The following PACS2 variants were observed in gnomAD, a reference collection of about 807,000 sequenced individuals.
PACS2 encodes the protein phosphofurin acidic cluster sorting protein 2, also known as PACS1-like protein.
PACS2 carries 36 observed loss-of-function variants against 113.0 expected under a neutral mutation model. The ratio of observed to expected loss-of-function variants is 0.32; its 90% confidence interval spans 0.24 to 0.42. PACS2 has a LOEUF of 0.42. Ranked by LOEUF, PACS2 falls within the 10% of genes least tolerant of loss-of-function variation. The pLI is 1.00. For missense variants in PACS2, 1,015 were observed against 1,239.5 expected (o/e 0.82, Z 2.72); for synonymous variants, 589 against 536.1 (o/e 1.10, Z -1.36).
In PACS2 at chr14:105,342,516, G is replaced by A. The variant is rs192094287; in HGVS notation, c.120-5977G>A. 2.0e-3 allele frequency among the ~76,000 whole-genome samples: 304 copies of A among 151,514 alleles called. 1 individual carries two copies. The highest frequency in any genetic ancestry group is 7.0e-3 in the African/African-American group (290 of 41,374). On this transcript the variant is annotated intron_variant, in intron 1 of 24. Coordinates refer to ENST00000447393, the MANE Select transcript of PACS2 (RefSeq NM_001100913.3). ...ACTCCTGGCCTCAAGTGATCCACCCGCCTCGGCCTCCCACAGTGCTGGGAT... is the reference window on the plus strand; with the variant it reads ...ACTCCTGGCCTCAAGTGATCCACCCACCTCGGCCTCCCACAGTGCTGGGAT...
intron 1 of PACS2, among the ~76,000 whole-genome samples, chr14:105,337,097 C>T (rs1253036305): frequency 6.6e-6 from 1 of 152,242 alleles, no homozygotes; most frequent in Non-Finnish European, 1.5e-5. Flanking sequence ...TTACTTAGCC[C>T]TGAAAAGGAA....
intron 24 of PACS2, chr14:105,394,283 T>C (rs930375564): frequency 1.8e-5 from 18 of 985,062 alleles, no homozygotes; most frequent in Non-Finnish European, 1.8e-5. Flanking sequence ...GTCTGCTCCT[T>C]CCACCTGCAG....
chr14:105,367,176 T>C (rs1555408123), intron 4 of PACS2, 37 bp from the exon 5 acceptor site: 1 of 1,597,428 alleles, frequency 6.3e-7, no homozygotes, highest in Admixed American at 1.7e-5. Flanking sequence ...CTCCTTCCCG[T>C]CGTGCTGCTT....
At chr14:105,393,447 T>A (rs2081430868) in intron 24 of PACS2, 112 bp downstream of exon 24, 5 of 637,334 alleles carry the variant, frequency 7.8e-6, no homozygotes, top group Admixed American at 3.1e-5. Flanking sequence ...ACACGCACAT[T>A]CCACGATTCA....
rs924210671 is a variant in PACS2 at position 105,357,987 on chromosome 14, G to A, written c.423+2810G>A. Reference sequence around the variant, plus strand: ...GAGGATGTGGGGGGCACCTGCCCAGGACCTCCAGGCTGTGGGGAGACCAGG... The same window carrying A: ...GAGGATGTGGGGGGCACCTGCCCAGAACCTCCAGGCTGTGGGGAGACCAGG... On this transcript the variant is annotated intron_variant, in intron 4 of 24. Coordinates refer to ENST00000447393, the MANE Select transcript of PACS2 (RefSeq NM_001100913.3). The surrounding 1 kb of genome is among the most constrained non-coding windows in gnomAD (Gnocchi z 5.1). 5.9e-5 allele frequency among the ~76,000 whole-genome samples: 9 copies of A among 152,192 alleles called. No homozygotes were observed. Among genetic ancestry groups the A allele is most frequent in the African/African-American group, 2.2e-4 (9 of 41,458 alleles).
At chr14:105,383,659 G>A in intron 16 of PACS2, 146 bp downstream of exon 16, 1 of 654,778 alleles carries the variant, frequency 1.5e-6, no homozygotes, top group Non-Finnish European at 2.5e-6. Context: ...GCATGGCGTG[G>A]TGTCCCTGCT....
intron 1 of PACS2, among the ~76,000 whole-genome samples, chr14:105,327,907 C>A (rs1312220608): frequency 6.6e-6 from 1 of 151,858 alleles, no homozygotes; most frequent in Non-Finnish European, 1.5e-5. Flanking sequence ...GCCCAGGCCA[C>A]CCGAGGGGCC....
chr14:105,380,234 G>A, intron 11 of PACS2, 80 bp downstream of exon 11: 1 of 1,243,200 alleles, frequency 8.0e-7, no homozygotes, highest in South Asian at 1.3e-5. Context: ...ACCTGGAGGG[G>A]CGGGGCCCAC....
At position 105,392,606 on chromosome 14, in the gene PACS2, C is replaced by A; in HGVS notation, c.2256-13C>A. ...AAGATGCAGGTGTGAATGCCTCCCTCTGCCTTTCCCAGCCAGGGTGTCGGC... is the reference window on the plus strand; with the variant it reads ...AAGATGCAGGTGTGAATGCCTCCCTATGCCTTTCCCAGCCAGGGTGTCGGC... On this transcript the variant is annotated splice_polypyrimidine_tract_variant and intron_variant, in intron 22 of 24. Transcript: ENST00000447393. 1 of 1,591,020 alleles carries A rather than the reference C, an allele frequency of 6.3e-7. No homozygotes were observed. Among genetic ancestry groups the A allele is most frequent in the Non-Finnish European group, 8.6e-7 (1 of 1,169,388 alleles).
rs1246209005 is a variant in PACS2, at chr14:105,394,680, C to CA, written c.*9dup. On this transcript the variant is annotated 3_prime_UTR_variant, in exon 25 of 25. Coordinates refer to ENST00000447393, the MANE Select transcript of PACS2 (RefSeq NM_001100913.3). ...TCCAAGGCCACCTTCTAGCCCCACC[C>CA]ACCAGGGGGCCCACCTCCTGCCCCA... 5 of 1,566,298 alleles carry CA rather than the reference C, an allele frequency of 3.2e-6. No homozygotes were observed. The African/African-American group carries it at 6.7e-5, about 21-fold the overall frequency.
intron 9 of PACS2, among the ~76,000 whole-genome samples, chr14:105,378,031 C>T (rs1006149513): frequency 6.6e-5 from 10 of 152,368 alleles, no homozygotes; most frequent in African/African-American, 1.7e-4. Context: ...CAACCGTCCT[C>T]GTACCCTGGC....
At chr14:105,343,323 G>C (rs587757785) in intron 1 of PACS2, among the ~76,000 whole-genome samples, 6 of 152,344 alleles carry the variant, frequency 3.9e-5, no homozygotes, top group Admixed American at 1.3e-4. Context: ...GAGCTGCTGT[G>C]AATGTGCATT....
rs587654000 is a variant in PACS2, at chr14:105,357,078, G to T, written c.423+1901G>T. Among the ~76,000 whole-genome samples the T allele has an allele frequency of 6.6e-6, 1 of 152,008 alleles. No individual in the cohort carries two copies. The highest frequency in any genetic ancestry group is 2.4e-5 in the African/African-American group (1 of 41,376). ...GTGAGCTCCTGCCCCAGGCTGCTCC[G>T]CCCACATCTCTCAGTCTGCACCCCA... On this transcript the variant is annotated intron_variant, in intron 4 of 24. Transcript: ENST00000447393. The surrounding 1 kb of genome is among the most constrained non-coding windows in gnomAD (Gnocchi z 5.1).
Position 105,387,834 on chromosome 14 carries a change from C to T in PACS2, c.2033+2117C>T, listed in dbSNP as rs587634421. Among the ~76,000 whole-genome samples the T allele has an allele frequency of 2.0e-5, 3 of 152,362 alleles. No individual in the cohort carries two copies. The East Asian group carries it at 5.8e-4, about 29-fold the overall frequency. On this transcript the variant is annotated intron_variant, in intron 19 of 24. Coordinates refer to ENST00000447393, the MANE Select transcript of PACS2 (RefSeq NM_001100913.3). Reference sequence around the variant, plus strand: ...GGCAGGTGGCCCTGGGAATTGGAGCCACCCATGCCCTGGGGACCAGCAGCC... The same window carrying T: ...GGCAGGTGGCCCTGGGAATTGGAGCTACCCATGCCCTGGGGACCAGCAGCC...
Position 105,340,618 on chromosome 14 carries a change from C to G in PACS2, c.120-7875C>G, listed in dbSNP as rs375097003. On this transcript the variant is annotated intron_variant, in intron 1 of 24. Coordinates refer to ENST00000447393, the MANE Select transcript of PACS2 (RefSeq NM_001100913.3). This position sits in a 1 kb window ranked among gnomAD's most constrained non-coding sequence, Gnocchi z 4.2. ...TCCCTGGTGCTCATCTCCTGCTGTG[C>G]GGCCAGTTGCTAACAGGCCAGGAAC... Among the ~76,000 whole-genome samples, 1 of 152,190 alleles carries G rather than the reference C, an allele frequency of 6.6e-6. No individual in the cohort carries two copies.
rs1314178981 is a variant in PACS2 at position 105,348,977 on chromosome 14, G to A, written c.207+397G>A. Among the ~76,000 whole-genome samples the A allele has an allele frequency of 1.3e-5, 2 of 152,194 alleles. No individual in the cohort carries two copies. Among genetic ancestry groups the A allele is most frequent in the Non-Finnish European group, 1.5e-5 (1 of 68,020 alleles). On this transcript the variant is annotated intron_variant, in intron 2 of 24. Transcript: ENST00000447393. The surrounding 1 kb of genome is among the most constrained non-coding windows in gnomAD (Gnocchi z 6.4). ...AGGGGAGCAGGGCACTCTGGGAGGC[G>A]AGGGCCTAGCCAGAACTCCCAGCCC...
chr14:105,314,459 GGGGCGGGGCGGGGCGCCCC>G (rs2058461158), upstream of PACS2: 1 of 145,430 alleles, frequency 6.9e-6, no homozygotes, highest in Non-Finnish European at 1.5e-5. Context: ...CGGCTCCCGG[GGGGCGGGGCGGGGCGCCCC>G]GGGCGGGGTC....
chr14:105,385,561 CA>C, intron 18 of PACS2, 123 bp from the exon 19 acceptor site: 1 of 582,016 alleles, frequency 1.7e-6, no homozygotes, highest in Non-Finnish European at 3.0e-6. Flanking sequence ...AGCCAGCGCT[CA>C]CGGGCTCTCC....
intron 1 of PACS2, among the ~76,000 whole-genome samples, chr14:105,325,171 G>T (rs1359901639): frequency 6.6e-6 from 1 of 151,384 alleles, no homozygotes; most frequent in Non-Finnish European, 1.5e-5. Context: ...TGGTGGGACG[G>T]GGGGGGGCTC....
Sources: allele counts gnomAD v4.1 joint callset (sites outside exome capture counted in the v4.1 genomes callset), GRCh38; gene constraint gnomAD v4.1.1; non-coding constraint Gnocchi (gnomAD v3.1); transcripts MANE v1.5; gene names NCBI Gene and HGNC (gene_info 2026-07-23, HGNC 2026-07-21).